Variants in KCNJ5 observed in about 807,000 individuals in gnomAD.
KCNJ5 encodes the protein G protein-activated inward rectifier potassium channel 4.
Under a neutral mutation model 20.2 loss-of-function variants are expected in KCNJ5, and 12 were observed. The ratio of observed to expected loss-of-function variants is 0.59; its 90% CI spans 0.38 to 0.96. KCNJ5 has a LOEUF of 0.96. KCNJ5 is among the 40% of genes least tolerant of loss of function. KCNJ5 has a pLI of 0.00. For missense variants in KCNJ5, 449 were observed against 557.6 expected, an observed-to-expected ratio of 0.81 and a Z score of 1.96; for synonymous variants, 210 against 213.9, an observed-to-expected ratio of 0.98 and a Z score of 0.16.
chr11:128,902,795 A>G lies in KCNJ5; in HGVS notation c.-10-8469A>G, dbSNP rs1450162378. The G allele has an allele frequency of 4.2e-6, 6 of 1,442,084 alleles. No individual in the cohort carries two copies. In the Admixed American group the frequency reaches 1.1e-4, roughly 26 times the overall value. The allele number at this position is 1,442,084 out of a possible 1,614,324, so 89.3% of individuals were successfully genotyped here. A position where few individuals can be genotyped will look rare whatever the true frequency, so the allele number is the denominator to read the frequency against. ...TAACAGCACTCTCAGCCTAACTCAC[A>G]ACGCAGCCCAACATGTCCATGGGCA... On this transcript the variant is annotated intron_variant, in intron 1 of 2. Coordinates refer to ENST00000529694, the MANE Select transcript of KCNJ5 (RefSeq NM_000890.5).
Position 128,911,439 on chromosome 11 carries a change from A to G in KCNJ5, c.166A>G (p.Lys56Glu), listed in dbSNP as rs1425428292. 6.2e-7 allele frequency: 1 copy of G among 1,614,080 alleles called. No individual in the cohort carries two copies. Among genetic ancestry groups the G allele is most frequent in the African/African-American group, 1.3e-5 (1 of 74,914 alleles). Reference sequence around the variant, plus strand: ...GAAGCCACGCCAGCGCTACATGGAGAAGAGTGGCAAGTGCAACGTGCACCA... The same window carrying G: ...GAAGCCACGCCAGCGCTACATGGAGGAGAGTGGCAAGTGCAACGTGCACCA... ...GKKPRQRYME[K>E]SGKCNVHHGN... is the part of the protein sequence containing the mutation. Residue 56 changes from lysine (K) to glutamate (E), a missense_variant, in exon 2 of 3, where the codon AAG becomes GAG. Around this residue, in one of 5 missense-constraint regions of KCNJ5, gnomAD observed 203 missense variants for 258.0 expected, o/e 0.79. Coordinates refer to ENST00000529694, the MANE Select transcript of KCNJ5 (RefSeq NM_000890.5). The surrounding 1 kb of genome is among the most constrained non-coding windows in gnomAD (Gnocchi z 6.3).
chr11:128,916,591 G>A lies in KCNJ5; in HGVS notation c.1120G>A (p.Gly374Ser). 1 of 1,614,132 alleles carries A rather than the reference G, an allele frequency of 6.2e-7. No individual in the cohort carries two copies. Among genetic ancestry groups the A allele is most frequent in the Non-Finnish European group, 8.5e-7 (1 of 1,180,006 alleles). Residue 374 changes from glycine to serine, a missense_variant, in exon 3 of 3, where the codon GGC becomes AGC. Physicochemically the swap from Gly to Ser is moderately conservative, Grantham distance 56 (BLOSUM62 0). Around this residue, in one of 5 missense-constraint regions of KCNJ5, gnomAD observed 34 missense variants for 63.8 expected, o/e 0.53. Transcript: ENST00000529694. Reference sequence around the variant, plus strand: ...GGAGCTGGCAGAAATGAAGAGGGAAGGCCGGCTCCTCCAGTACCTCCCCAG... The same window carrying A: ...GGAGCTGGCAGAAATGAAGAGGGAAAGCCGGCTCCTCCAGTACCTCCCCAG... ...AKELAEMKRE[G>S]RLLQYLPSPP...
intron 1 of KCNJ5, chr11:128,902,471 G>A (rs1393263561): frequency 1.2e-5 from 19 of 1,523,938 alleles, no homozygotes; most frequent in South Asian, 3.6e-5. Flanking sequence ...GAGGAACCCC[G>A]CACTTTAAGG....
At chr11:128,892,065 G>A (rs185433311) in intron 1 of KCNJ5, among the ~76,000 whole-genome samples, 1 of 152,192 alleles carries the variant, frequency 6.6e-6, no homozygotes, top group Non-Finnish European at 1.5e-5. Context: ...TTTTCACCTG[G>A]TAGGACTCTT....
intron 1 of KCNJ5, chr11:128,902,193 G>A (rs117714628): frequency 3.9e-5 from 10 of 257,234 alleles, no homozygotes; most frequent in Non-Finnish European, 6.7e-5. Flanking sequence ...CACTCATCTC[G>A]CACACCTCTG....
intron 1 of KCNJ5, chr11:128,909,767 G>A (rs1404026917): frequency 6.6e-6 from 1 of 152,206 alleles, no homozygotes; most frequent in Non-Finnish European, 1.5e-5. Flanking sequence ...ACCCGGGAGG[G>A]AGGGTAACTG....
At chr11:128,894,477 G>C (rs1386246887) in intron 1 of KCNJ5, among the ~76,000 whole-genome samples, 1 of 152,174 alleles carries the variant, frequency 6.6e-6, no homozygotes, top group Non-Finnish European at 1.5e-5. Flanking sequence ...GTCATTGAGG[G>C]CTGGCAGTGT....
At chr11:128,910,981 C>G (rs1415378442) in intron 1 of KCNJ5, among the ~76,000 whole-genome samples, 1 of 152,122 alleles carries the variant, frequency 6.6e-6, no homozygotes. Context: ...TTTCTCAAAC[C>G]CTTTCAACAC....
intron 1 of KCNJ5, chr11:128,904,665 G>C (rs1944364916): frequency 1.5e-6 from 1 of 655,168 alleles, no homozygotes; most frequent in Admixed American, 2.2e-5. Context: ...GAAAGCACAG[G>C]AACGAATGCC....
intron 1 of KCNJ5, among the ~76,000 whole-genome samples, chr11:128,909,494 C>T (rs1031949688): frequency 3.3e-5 from 5 of 152,214 alleles, no homozygotes; most frequent in Admixed American, 6.5e-5. Flanking sequence ...AGAGGTGCTC[C>T]GCTTAAGTAT....
intron 1 of KCNJ5, among the ~76,000 whole-genome samples, chr11:128,909,308 G>A (rs1944467059): frequency 6.6e-6 from 1 of 152,198 alleles, no homozygotes; most frequent in African/African-American, 2.4e-5. Flanking sequence ...GGTGGAACCT[G>A]CAGCTGGAGT....
rs377381069 is a variant in KCNJ5, at chr11:128,894,177, T to C, written c.-11+2456T>C. Among the ~76,000 whole-genome samples the C allele has an allele frequency of 1.6e-3, 147 of 89,882 alleles. 1 individual carries two copies. The highest frequency in any genetic ancestry group is 6.9e-3 in the African/African-American group (137 of 19,826). The allele number at this position is 89,882 out of a possible 152,430, so 59.0% of individuals were successfully genotyped here. ...TGTACTTGAAAACTGCATCCACTTC[T>C]GCATTGTTTTTTTTTTTTTTCTTGT... On this transcript the variant is annotated intron_variant, in intron 1 of 2. Transcript: ENST00000529694.
In KCNJ5 at chr11:128,911,057, A is replaced by C. The variant is rs1433933571; in HGVS notation, c.-10-207A>C. 2 of 586,668 alleles carry C rather than the reference A, an allele frequency of 3.4e-6. No individual in the cohort carries two copies. The highest frequency in any genetic ancestry group is 6.1e-6 in the Non-Finnish European group (2 of 329,816). The allele number at this position is 586,668 out of a possible 1,614,324, so 36.3% of individuals were successfully genotyped here. On this transcript the variant is annotated intron_variant, in intron 1 of 2. Transcript: ENST00000529694. This position sits in a 1 kb window ranked among gnomAD's most constrained non-coding sequence, Gnocchi z 6.3. ...TTCAACAAACAGCTAGCAAGCATCT[A>C]TTTTGTGCTAGACTCTGTACTAGGC...
At chr11:128,908,806 C>G (rs1453928107) in intron 1 of KCNJ5, among the ~76,000 whole-genome samples, 1 of 152,120 alleles carries the variant, frequency 6.6e-6, no homozygotes, top group Non-Finnish European at 1.5e-5. Context: ...CAGCGGCACC[C>G]CCATTGGAAG....
At chr11:128,896,476 G>A (rs897784011) in intron 1 of KCNJ5, among the ~76,000 whole-genome samples, 1 of 152,042 alleles carries the variant, frequency 6.6e-6, no homozygotes, top group Admixed American at 6.5e-5. Context: ...GCAACCACTG[G>A]TCTGTGTTTG....
At position 128,920,260 on chromosome 11, in the gene KCNJ5, T is replaced by A. The variant is rs1232341835; in HGVS notation, c.*3529T>A. On this transcript the variant is annotated 3_prime_UTR_variant, in exon 3 of 3. Transcript: ENST00000529694. ...CCTTCAGACTCCCCTCCCACCGGCC[T>A]CCTGTGTAGTCAGAGAACCCACTGC... 6.6e-6 allele frequency: 1 copy of A among 152,552 alleles called. No individual in the cohort carries two copies. Among genetic ancestry groups the A allele is most frequent in the African/African-American group, 2.4e-5 (1 of 41,426 alleles). The allele number at this position is 152,552 out of a possible 1,614,324, so 9.4% of individuals were successfully genotyped here.
intron 2 of KCNJ5, among the ~76,000 whole-genome samples, chr11:128,914,330 T>TCTGCCCCG (rs1220871299): frequency 1.3e-5 from 2 of 152,176 alleles, no homozygotes; most frequent in African/African-American, 2.4e-5. Context: ...GCCAGTGCTA[T>TCTGCCCCG]CTGCCCCGCT....
intron 1 of KCNJ5, chr11:128,905,894 G>A (rs1013850918): frequency 7.2e-5 from 11 of 152,296 alleles, no homozygotes; most frequent in African/African-American, 2.6e-4. Flanking sequence ...TCCGGGCGAG[G>A]TTTTTAAACT....
chr11:128,904,310 G>A (rs780287841), intron 1 of KCNJ5: 8 of 1,436,038 alleles, frequency 5.6e-6, no homozygotes, highest in Non-Finnish European at 5.7e-6. Context: ...CCAAATTCAG[G>A]ACTGCACCCT....
Sources: gnomAD v4.1 joint callset for allele counts (sites outside exome capture counted in the v4.1 genomes callset) on GRCh38, gnomAD v4.1.1 for gene constraint, gnomAD v4.1.1 regional missense constraint, Gnocchi (gnomAD v3.1) non-coding constraint, MANE v1.5 for transcripts, NCBI Gene and HGNC (gene_info 2026-07-23, HGNC 2026-07-21) for gene names.